RASSF4: variants seen among roughly 807,000 people sequenced by gnomAD.
The protein encoded by RASSF4 is ras association domain-containing protein 4.
A neutral mutation model predicts 41.1 loss-of-function variants in RASSF4; 38 were observed. That is an observed-to-expected ratio of 0.92 (90% CI 0.71 to 1.21). The LOEUF is 1.21. Ranked by LOEUF, RASSF4 falls within the 50% of genes most tolerant of loss-of-function variation. The pLI is 0.00. For missense variants in RASSF4, 414 were observed against 419.4 expected (o/e 0.99, Z 0.11); for synonymous variants, 179 against 163.4 (o/e 1.10, Z -0.73).
chr10:44,992,023 C>T (rs773694970), intron 10 of RASSF4, 21 bp downstream of exon 10: 8 of 1,485,700 alleles, frequency 5.4e-6, no homozygotes, highest in Non-Finnish European at 7.5e-6. Context: ...CTTAAACAGA[C>T]AGTCATGGGT....
chr10:44,980,441 G>T (rs1841659023), intron 3 of RASSF4, among the ~76,000 whole-genome samples: 1 of 152,310 alleles, frequency 6.6e-6, no homozygotes, highest in South Asian at 2.1e-4. Context: ...CGGCCAAGCT[G>T]GGGGAGGGTG....
Position 44,984,797 on chromosome 10 carries a change from C to G in RASSF4, c.374-16C>G. ...CATCACCCACCCTGCCATTCTCTCACCCATTTCTCATGCAGGGCCCCTGGA... is the reference window on the plus strand; with the variant it reads ...CATCACCCACCCTGCCATTCTCTCAGCCATTTCTCATGCAGGGCCCCTGGA... On this transcript the variant is annotated splice_polypyrimidine_tract_variant and intron_variant, in intron 5 of 10. Coordinates refer to ENST00000340258, the MANE Select transcript of RASSF4 (RefSeq NM_032023.4). 1 of 1,612,778 alleles carries G rather than the reference C, an allele frequency of 6.2e-7. No individual in the cohort carries two copies. The highest frequency in any genetic ancestry group is 8.5e-7 in the Non-Finnish European group (1 of 1,179,478).
At position 44,993,290 on chromosome 10, in the gene RASSF4, G is replaced by A. The variant is rs145503557; in HGVS notation, c.927G>A (p.Thr309=). 529 of 1,608,898 alleles carry A rather than the reference G, an allele frequency of 3.3e-4. 3 individuals carry two copies. The highest frequency in any genetic ancestry group is 3.1e-3 in the African/African-American group (236 of 75,044). Residue 309 remains threonine, a synonymous_variant, in exon 11 of 11, where the codon ACG becomes ACA. Transcript: ENST00000340258. ...LTMKFQALRL[T]MLQRLEQLVE... ...CCAGGTTCCAAGCCCTGCGTCTGAC[G>A]ATGCTGCAGCGCCTGGAGCAGCTGG... is the stretch of plus-strand genomic sequence containing the variant.
Position 44,993,787 on chromosome 10 carries a change from G to C in RASSF4, c.*458G>C, listed in dbSNP as rs1306670103. The C allele has an allele frequency of 6.0e-6, 1 of 165,466 alleles. No individual in the cohort carries two copies. Among genetic ancestry groups the C allele is most frequent in the East Asian group, 1.6e-4 (1 of 6,148 alleles). 10.2% of individuals were successfully genotyped at this position (165,466 alleles called of 1,614,324 possible). A position where few individuals can be genotyped will look rare whatever the true frequency, so the allele number is the denominator to read the frequency against. ...CTGGGAAAAGCAGGGCCTGCCAGCA[G>C]GTATGAGATCTAGCCTGCTTTCAGC... On this transcript the variant is annotated 3_prime_UTR_variant, in exon 11 of 11. Transcript: ENST00000340258.
chr10:44,989,348 G>A lies in RASSF4; in HGVS notation c.606G>A (p.Val202=), dbSNP rs772714963. 2 of 1,613,198 alleles carry A rather than the reference G, an allele frequency of 1.2e-6. No individual in the cohort carries two copies. The highest frequency in any genetic ancestry group is 8.5e-7 in the Non-Finnish European group (1 of 1,179,160). ...RVNSTMTTLQ[V]LTLLLNKFRV... ...ACAGCACCATGACAACCCTGCAGGT[G>A]CTCACCCTGCTGCTGAACAAATTTA... Residue 202 remains valine, a synonymous_variant, in exon 7 of 11, where the codon GTG becomes GTA. Coordinates refer to ENST00000340258, the MANE Select transcript of RASSF4 (RefSeq NM_032023.4).
chr10:44,979,285 G>C (rs78986365), intron 3 of RASSF4, among the ~76,000 whole-genome samples: 3 of 152,186 alleles, frequency 2.0e-5, no homozygotes, highest in African/African-American at 7.2e-5. Context: ...GGCGGTCTGC[G>C]GGGTCTGACC....
At chr10:44,968,460 G>A (rs1167255760) in intron 1 of RASSF4, among the ~76,000 whole-genome samples, 1 of 152,202 alleles carries the variant, frequency 6.6e-6, no homozygotes, top group Non-Finnish European at 1.5e-5. Flanking sequence ...AAGGCAGAGG[G>A]GAGGTATGGA....
rs1484134508 is a variant in RASSF4, at chr10:44,994,905, T to A, written c.*1576T>A. On this transcript the variant is annotated 3_prime_UTR_variant, in exon 11 of 11. Transcript: ENST00000340258. ...ATGCCCTGGGGACTAGGGTGGAGCCTGAGGAGAGGCTGCCATGGAACACGC... is the reference window on the plus strand; with the variant it reads ...ATGCCCTGGGGACTAGGGTGGAGCCAGAGGAGAGGCTGCCATGGAACACGC... The A allele has an allele frequency of 6.6e-6, 1 of 151,938 alleles. No individual in the cohort carries two copies. Among genetic ancestry groups the A allele is most frequent in the Non-Finnish European group, 1.5e-5 (1 of 68,024 alleles). The allele number at this position is 151,938 out of a possible 1,614,324, so 9.4% of individuals were successfully genotyped here. A position where few individuals can be genotyped will look rare whatever the true frequency, so the allele number is the denominator to read the frequency against.
chr10:44,989,878 A>G (rs79166905), intron 8 of RASSF4, among the ~76,000 whole-genome samples, 157 bp downstream of exon 8: 8 of 152,202 alleles, frequency 5.3e-5, no homozygotes, highest in African/African-American at 1.9e-4. Flanking sequence ...CAGCATGAAC[A>G]TTTCTCCCCC....
At chr10:44,983,867 C>A in intron 4 of RASSF4, 155 bp from the exon 5 acceptor site, 1 of 1,352,568 alleles carries the variant, frequency 7.4e-7, no homozygotes. Context: ...TTTATTGTTT[C>A]AGACTGACTC....
At chr10:44,982,982 G>A (rs760414734) in intron 4 of RASSF4, 168 of 618,290 alleles carry the variant, frequency 2.7e-4, no homozygotes, top group Non-Finnish European at 2.7e-4. Context: ...AACATGTCTC[G>A]CCATCTCTTG....
intron 9 of RASSF4, among the ~76,000 whole-genome samples, chr10:44,991,499 T>A (rs1383212106): frequency 1.3e-5 from 2 of 152,198 alleles, no homozygotes; most frequent in African/African-American, 4.8e-5. Flanking sequence ...CTCCTCTGCA[T>A]AGAAGATGCT....
At chr10:44,993,175 T>C in intron 10 of RASSF4, 94 bp from the exon 11 acceptor site, 3 of 1,043,292 alleles carry the variant, frequency 2.9e-6, no homozygotes, top group Admixed American at 1.8e-5. Flanking sequence ...TGCAGGGATC[T>C]CCTGAGCTGG....
intron 3 of RASSF4, among the ~76,000 whole-genome samples, chr10:44,980,279 C>G (rs1017680405): frequency 6.6e-6 from 1 of 152,208 alleles, no homozygotes; most frequent in Admixed American, 6.5e-5. Context: ...TCTCACCTTG[C>G]CCAAGCTCTT....
chr10:44,990,121 G>A (rs1842056229), intron 8 of RASSF4, among the ~76,000 whole-genome samples: 1 of 152,176 alleles, frequency 6.6e-6, no homozygotes, highest in African/African-American at 2.4e-5. Context: ...AGTCAGGAAG[G>A]GTGGGGTGCG....
intron 8 of RASSF4, among the ~76,000 whole-genome samples, chr10:44,989,922 G>T (rs1429412307): frequency 6.6e-6 from 1 of 152,216 alleles, no homozygotes; most frequent in Non-Finnish European, 1.5e-5. Flanking sequence ...AAGCCTTGAG[G>T]AAAAGAAAAC....
rs930439163 is a variant in RASSF4, at chr10:44,982,654, G to C, written c.272G>C (p.Ser91Thr). Residue 91 changes from serine (S) to threonine (T), a missense_variant, in exon 4 of 11, where the codon AGC becomes ACC. Coordinates refer to ENST00000340258, the MANE Select transcript of RASSF4 (RefSeq NM_032023.4). ...PSTSWMPRRPSCPLKEPSPQN... is the reference protein window; with the variant it reads ...PSTSWMPRRPTCPLKEPSPQN... ...ACCTCATGGATGCCCAGACGGCCTA[G>C]CTGCCCTCTGTGAGTACCCGGTGGC... is the stretch of plus-strand genomic sequence containing the variant. 1 of 1,613,158 alleles carries C rather than the reference G, an allele frequency of 6.2e-7. No individual in the cohort carries two copies. Among genetic ancestry groups the C allele is most frequent in the Non-Finnish European group, 8.5e-7 (1 of 1,179,544 alleles).
At chr10:44,989,584 G>T in intron 7 of RASSF4, 86 bp from the exon 8 acceptor site, 1 of 1,221,294 alleles carries the variant, frequency 8.2e-7, no homozygotes, top group South Asian at 1.2e-5. Flanking sequence ...GTGTGTTACT[G>T]GGGGTGTAGT....
At position 44,982,611 on chromosome 10, in the gene RASSF4, C is replaced by G; in HGVS notation, c.229C>G (p.Gln77Glu). ...GCTGCAGATGCAGGATGACCGGGAGCAGGTGCACCTCCCCTCCACCTCATG... is the reference window on the plus strand; with the variant it reads ...GCTGCAGATGCAGGATGACCGGGAGGAGGTGCACCTCCCCTCCACCTCATG... ...IRLQMQDDREQVHLPSTSWMP... is the reference protein window; with the variant it reads ...IRLQMQDDREEVHLPSTSWMP... The change falls in exon 4 of 11, where the codon CAG becomes GAG. Residue 77 changes from glutamine (Q) to glutamate (E), a missense_variant. Transcript: ENST00000340258. 6.2e-7 allele frequency: 1 copy of G among 1,613,188 alleles called. No homozygotes were observed. The highest frequency in any genetic ancestry group is 8.5e-7 in the Non-Finnish European group (1 of 1,179,460).
Sources: gnomAD v4.1 joint callset for allele counts (sites outside exome capture counted in the v4.1 genomes callset) on GRCh38, gnomAD v4.1.1 for gene constraint, MANE v1.5 for transcripts, NCBI Gene and HGNC (gene_info 2026-07-23, HGNC 2026-07-21) for gene names.